Variants in ROBO1 observed in about 807,000 individuals in gnomAD.
ROBO1 encodes the protein roundabout guidance receptor 1.
ROBO1 carries 149 observed loss-of-function variants against 195.9 expected under a neutral mutation model. The observed-to-expected ratio is 0.76, with a 90% confidence interval of 0.67 to 0.87. ROBO1 has a LOEUF of 0.87. Ranked by LOEUF, ROBO1 falls within the 40% of genes least tolerant of loss-of-function variation. The pLI is 0.00. For missense variants in ROBO1, 1,933 were observed against 2,068.3 expected, an observed-to-expected ratio of 0.93 and a Z score of 1.27; for synonymous variants, 816 against 733.2, an observed-to-expected ratio of 1.11 and a Z score of -1.82.
chr3:78,779,416 A>G (rs2083605150), intron 4 of ROBO1, among the ~76,000 whole-genome samples: 1 of 152,208 alleles, frequency 6.6e-6, no homozygotes, highest in Non-Finnish European at 1.5e-5. Flanking sequence ...ACAAGAAAAA[A>G]GCAAACAACC....
chr3:78,942,692 T>G (rs373997551), intron 3 of ROBO1, among the ~76,000 whole-genome samples: 1 of 152,106 alleles, frequency 6.6e-6, no homozygotes, highest in Non-Finnish European at 1.5e-5. Flanking sequence ...AAACCTCAGC[T>G]GGAAAGTCAA....
intron 4 of ROBO1, among the ~76,000 whole-genome samples, chr3:78,935,997 C>G (rs1479624019): frequency 1.3e-5 from 2 of 151,908 alleles, no homozygotes; most frequent in East Asian, 1.9e-4. Flanking sequence ...CAGCAAAGAA[C>G]AGCAGCAAAA....
At chr3:79,423,600 T>G (rs1042565943) in intron 2 of ROBO1, among the ~76,000 whole-genome samples, 1 of 152,104 alleles carries the variant, frequency 6.6e-6, no homozygotes, top group Non-Finnish European at 1.5e-5. Context: ...AGATTGAGAA[T>G]GCGTGACTCA....
At chr3:79,002,401 A>G (rs900481554) in intron 3 of ROBO1, among the ~76,000 whole-genome samples, 2 of 152,104 alleles carry the variant, frequency 1.3e-5, no homozygotes, top group African/African-American at 4.8e-5. Context: ...TTGGAAATAT[A>G]TGTTCATATG....
intron 1 of ROBO1, among the ~76,000 whole-genome samples, chr3:79,626,453 A>G (rs1268909407): frequency 6.6e-6 from 1 of 151,916 alleles, no homozygotes; most frequent in African/African-American, 2.4e-5. Flanking sequence ...AACAAAAACA[A>G]AAACAAAAAA....
At chr3:78,750,490 TAAATA>T (rs1559814902) in intron 4 of ROBO1, among the ~76,000 whole-genome samples, 14 of 148,024 alleles carry the variant, frequency 9.5e-5, no homozygotes, top group African/African-American at 3.3e-4. Flanking sequence ...AATAAATAAA[TAAATA>T]AATAAAATAA....
chr3:78,688,517 G>C (rs1275930855), intron 9 of ROBO1, 131 bp downstream of exon 9: 1 of 927,010 alleles, frequency 1.1e-6, no homozygotes, highest in African/African-American at 1.7e-5. Context: ...AAATGTTCTG[G>C]GCACTCAGAG....
intron 3 of ROBO1, among the ~76,000 whole-genome samples, chr3:78,951,279 A>T (rs2107775551): frequency 6.6e-6 from 1 of 151,796 alleles, no homozygotes; most frequent in East Asian, 1.9e-4. Context: ...AATATTATAT[A>T]TTTACATACA....
chr3:78,668,896 G>A (rs2575743), intron 11 of ROBO1, among the ~76,000 whole-genome samples: 110,927 of 152,048 alleles, frequency 0.73, 40,721 homozygotes, highest in Middle Eastern at 0.81. Context: ...TTATGGCTAA[G>A]ATATATCTTT....
chr3:78,832,430 A>C (rs544197054), intron 4 of ROBO1, among the ~76,000 whole-genome samples: 22 of 152,150 alleles, frequency 1.4e-4, no homozygotes, highest in African/African-American at 3.6e-4. Flanking sequence ...GGTGTATCTT[A>C]CTCCTTTTCC....
At chr3:78,984,743 T>C (rs534289063) in intron 3 of ROBO1, among the ~76,000 whole-genome samples, 1 of 152,190 alleles carries the variant, frequency 6.6e-6, no homozygotes, top group Admixed American at 6.5e-5. Flanking sequence ...ACAACAAACT[T>C]GTTCCAAGAA....
At chr3:79,118,141 G>A (rs1173625784) in intron 3 of ROBO1, among the ~76,000 whole-genome samples, 1 of 152,000 alleles carries the variant, frequency 6.6e-6, no homozygotes, top group East Asian at 1.9e-4. Context: ...GTCTTACTAG[G>A]TTAGTAGAGT....
chr3:78,902,112 C>A (rs893241832), intron 4 of ROBO1, among the ~76,000 whole-genome samples: 4 of 152,082 alleles, frequency 2.6e-5, no homozygotes, highest in African/African-American at 9.7e-5. Context: ...ATTTTGGCAT[C>A]TTTGATTACT....
At chr3:79,527,368 A>T (rs1036274347) in intron 2 of ROBO1, among the ~76,000 whole-genome samples, 16 of 152,186 alleles carry the variant, frequency 1.1e-4, no homozygotes, top group Non-Finnish European at 2.4e-4. Flanking sequence ...CTAGCACTAA[A>T]TAATTTGCTA....
intron 1 of ROBO1, among the ~76,000 whole-genome samples, chr3:79,717,977 G>T (rs1459695887): frequency 1.3e-5 from 2 of 151,926 alleles, no homozygotes; most frequent in African/African-American, 4.8e-5. Flanking sequence ...TCCTTGGAAG[G>T]ATAAAGTGGA....
chr3:79,299,241 T>C (rs2032761617), intron 2 of ROBO1, among the ~76,000 whole-genome samples: 2 of 152,098 alleles, frequency 1.3e-5, no homozygotes, highest in Non-Finnish European at 2.9e-5. Context: ...AAAAATAAAA[T>C]TTAGAGAAAA....
At chr3:78,653,614 A>G (rs1158681325) in intron 18 of ROBO1, among the ~76,000 whole-genome samples, 2 of 152,160 alleles carry the variant, frequency 1.3e-5, no homozygotes, top group Non-Finnish European at 2.9e-5. Flanking sequence ...TCTGTGAGTA[A>G]TAAACTGCTT....
Position 78,814,477 on chromosome 3 carries a change from G to A in ROBO1, c.500-67577C>T, listed in dbSNP as rs13081315. On this transcript the variant is annotated intron_variant, in intron 4 of 30. Transcript: ENST00000464233. ...TTTCAAGGGCCCAAGAGCCTCATGT[G>A]GCCAGAGTCTACCTTATTGATGACA... Among the ~76,000 whole-genome samples, 1,039 of 151,848 alleles carry A rather than the reference G, an allele frequency of 6.8e-3. 11 individuals are homozygous for A. The highest frequency in any genetic ancestry group is 0.011 in the Non-Finnish European group (720 of 67,894).
intron 10 of ROBO1, among the ~76,000 whole-genome samples, chr3:78,679,945 CAGTAA>C (rs2080852612): frequency 6.6e-6 from 1 of 152,086 alleles, no homozygotes; most frequent in Admixed American, 6.6e-5. Context: ...TACAAGGCTA[CAGTAA>C]CCAAAACAGC....
Sources: allele counts gnomAD v4.1 joint callset (sites outside exome capture counted in the v4.1 genomes callset), GRCh38; gene constraint gnomAD v4.1.1; transcripts MANE v1.5; gene names NCBI Gene and HGNC (gene_info 2026-07-23, HGNC 2026-07-21).